Variants in FER1L6 observed in about 807,000 individuals in gnomAD.
FER1L6 encodes the protein fer-1-like protein 6.
FER1L6 carries 177 observed loss-of-function variants against 219.2 expected under a neutral mutation model. The ratio of observed to expected loss-of-function variants is 0.81; its 90% CI spans 0.71 to 0.91. FER1L6 has a LOEUF of 0.91. Among genes scored for constraint, FER1L6 ranks in the 40% least tolerant of loss-of-function variants. The pLI, the probability that FER1L6 is intolerant of heterozygous loss-of-function variation, is 0.00. For synonymous variants in FER1L6, 768 were observed against 824.3 expected, an observed-to-expected ratio of 0.93 and a Z score of 1.17; for missense variants, 2,153 against 2,259.9, an observed-to-expected ratio of 0.95 and a Z score of 0.96.
chr8:124,107,089 C>T (rs1048176857), intron 39 of FER1L6, among the ~76,000 whole-genome samples: 1 of 151,840 alleles, frequency 6.6e-6, no homozygotes, highest in African/African-American at 2.4e-5. Flanking sequence ...GCTGGGACTA[C>T]AGGCGCCCGC....
At chr8:123,929,769 A>G (rs1032858902) in intron 1 of FER1L6, among the ~76,000 whole-genome samples, 1 of 152,178 alleles carries the variant, frequency 6.6e-6, no homozygotes, top group Non-Finnish European at 1.5e-5. Flanking sequence ...AAGTGTGAGA[A>G]CTGGGGAGAG....
chr8:124,106,420 G>T (rs1302418691), intron 39 of FER1L6, among the ~76,000 whole-genome samples: 1 of 150,518 alleles, frequency 6.6e-6, no homozygotes, highest in Non-Finnish European at 1.5e-5. Context: ...AATGTTAGTG[G>T]AATGGCAAAG....
In FER1L6 at chr8:123,980,807, C is replaced by T. The variant is rs372652726; in HGVS notation, c.1406C>T (p.Pro469Leu). The change falls in exon 11 of 41, where the codon CCG becomes CTG. Residue 469 changes from proline to leucine, a missense_variant. Physicochemically the swap from Pro to Leu is moderately conservative, Grantham distance 98 (BLOSUM62 -3). Transcript: ENST00000522917. ...EVEVESFDVP[P>L]EIVPEKNEEF... ...GAGGTGGAATCGTTCGATGTCCCCC[C>T]GGAGGTAGGTCTAGGCACTGCATTA... 2.7e-5 allele frequency: 43 copies of T among 1,611,924 alleles called. No individual in the cohort carries two copies. Among genetic ancestry groups the T allele is most frequent in the African/African-American group, 2.3e-4 (17 of 74,862 alleles).
chr8:124,104,029 G>C (rs950586931), intron 39 of FER1L6, among the ~76,000 whole-genome samples: 1 of 152,208 alleles, frequency 6.6e-6, no homozygotes, highest in Non-Finnish European at 1.5e-5. Flanking sequence ...TTCTCTTTCT[G>C]TCTCTGCTCT....
chr8:123,950,324 C>A (rs556661382), intron 1 of FER1L6, among the ~76,000 whole-genome samples: 1 of 152,190 alleles, frequency 6.6e-6, no homozygotes, highest in African/African-American at 2.4e-5. Context: ...ATCCCCCAAC[C>A]CTTGGAGGAT....
intron 28 of FER1L6, among the ~76,000 whole-genome samples, chr8:124,068,981 G>A (rs1296785058): frequency 6.7e-6 from 1 of 150,042 alleles, no homozygotes; most frequent in East Asian, 1.9e-4. Context: ...CTGTCGCCCA[G>A]GCTGGAGTGC....
intron 37 of FER1L6, among the ~76,000 whole-genome samples, chr8:124,098,275 C>A (rs1306055134): frequency 6.6e-6 from 1 of 152,148 alleles, no homozygotes; most frequent in East Asian, 1.9e-4. Flanking sequence ...TTCCTGTTTG[C>A]TGGTGGTATT....
intron 37 of FER1L6, among the ~76,000 whole-genome samples, chr8:124,098,752 T>C (rs1225037169): frequency 2.6e-5 from 4 of 152,186 alleles, no homozygotes; most frequent in African/African-American, 9.7e-5. Context: ...GGAAGGATTC[T>C]GGGAGAGTTC....
At chr8:124,064,063 C>A (rs1026836746) in intron 25 of FER1L6, among the ~76,000 whole-genome samples, 1 of 152,050 alleles carries the variant, frequency 6.6e-6, no homozygotes, top group African/African-American at 2.4e-5. Flanking sequence ...TTTCATAATC[C>A]CAATGACCAC....
At chr8:123,862,479 T>C (rs1586426017) in intron 1 of FER1L6, among the ~76,000 whole-genome samples, 1 of 137,352 alleles carries the variant, frequency 7.3e-6, no homozygotes, top group East Asian at 2.0e-4. Flanking sequence ...GGTATCAGAA[T>C]GATGCTGGCC....
rs953240125 is a variant in FER1L6, at chr8:123,852,607, CAT to C, written c.-8+424_-8+425del. ...GCATGAGGAAGTTGCCTCAGGAACT[CAT>C]AGAAAATGTGGGGCCTCTCACAAGA... is the stretch of plus-strand genomic sequence containing the variant. On this transcript the variant is annotated intron_variant, in intron 1 of 40. Coordinates refer to ENST00000522917, the MANE Select transcript of FER1L6 (RefSeq NM_001039112.2). The surrounding 1 kb of genome is among the most constrained non-coding windows in gnomAD (Gnocchi z 4.9). Among the ~76,000 whole-genome samples, 5 of 151,924 alleles carry C rather than the reference CAT, an allele frequency of 3.3e-5. No homozygotes were observed. Among genetic ancestry groups the C allele is most frequent in the Non-Finnish European group, 7.4e-5 (5 of 67,990 alleles).
At chr8:124,070,738 TC>T (rs933697299) in intron 30 of FER1L6, 140 bp downstream of exon 30, 5 of 694,308 alleles carry the variant, frequency 7.2e-6, no homozygotes, top group Non-Finnish European at 1.1e-5. Flanking sequence ...TCTCTAGAAC[TC>T]CACAAAACCT....
chr8:124,101,289 G>A lies in FER1L6; in HGVS notation c.5076G>A (p.Leu1692=), dbSNP rs374196737. 1.9e-6 allele frequency: 3 copies of A among 1,613,492 alleles called. No individual in the cohort carries two copies. In the African/African-American group the frequency reaches 4.0e-5, roughly 22 times the overall value. ...EKMECKTPAV[L]VLQVWDFERL... ...TGGAGTGTAAGACTCCTGCTGTGTT[G>A]GTGCTGCAGGTTTGGGATTTTGAAA... is the stretch of plus-strand genomic sequence containing the variant. The change falls in exon 38 of 41, where the codon TTG becomes TTA. Residue 1692 remains leucine, a synonymous_variant. Transcript: ENST00000522917.
rs910388307 is a variant in FER1L6, at chr8:124,082,341, T to A, written c.4274T>A (p.Ile1425Asn). 4.3e-6 allele frequency: 7 copies of A among 1,613,884 alleles called. No individual in the cohort carries two copies. The highest frequency in any genetic ancestry group is 5.9e-6 in the Non-Finnish European group (7 of 1,179,934). ...AAAGAGTCCCTGCTCTCCATCCTGA[T>A]CTATGACCATGACATGATTGGCACA... is the stretch of plus-strand genomic sequence containing the variant. ...FPKESLLSIL[I>N]YDHDMIGTDD... Residue 1425 changes from isoleucine (I) to asparagine (N), a missense_variant, in exon 33 of 41, where the codon ATC (isoleucine) becomes AAC (asparagine). Physicochemically the swap from Ile to Asn is moderately radical, Grantham distance 149. Transcript: ENST00000522917.
chr8:123,958,457 C>T (rs920114055), intron 2 of FER1L6, among the ~76,000 whole-genome samples: 3 of 152,182 alleles, frequency 2.0e-5, no homozygotes, highest in African/African-American at 4.8e-5. Flanking sequence ...CCCCACCAGA[C>T]TTCCTTTCCT....
chr8:124,103,213 C>T lies in FER1L6; in HGVS notation c.5193C>T (p.Ala1731=). The T allele has an allele frequency of 6.2e-7, 1 of 1,614,098 alleles. No homozygotes were observed. Among genetic ancestry groups the T allele is most frequent in the Non-Finnish European group, 8.5e-7 (1 of 1,179,986 alleles). Residue 1731 remains alanine (A), a synonymous_variant, in exon 39 of 41, where the codon GCC becomes GCT. Transcript: ENST00000522917. ...AGTCTGCCAAAGCCTGTGATCTTGC[C>T]AAGTTTGAAAATGCAAGTGAGGAGA... ...AAKSAKACDL[A]KFENASEETK... is the part of the protein sequence containing the mutation.
At chr8:123,932,403 C>A (rs1356496471) in intron 1 of FER1L6, among the ~76,000 whole-genome samples, 1 of 152,212 alleles carries the variant, frequency 6.6e-6, no homozygotes, top group Non-Finnish European at 1.5e-5. Flanking sequence ...GCCACCGTGC[C>A]AGGCTCCGTA....
In FER1L6 at chr8:124,064,451, G is replaced by T; in HGVS notation, c.3433G>T (p.Val1145Leu). The stretch of plus-strand genomic sequence containing the variant: ...TGTGGATGTTGAGCCACCTCCCACA[G>T]TGGTGCCCGACTCTGCCCAGGCCCA... ...IYVDVEPPPTVVPDSAQAQPA... is the reference protein window; with the variant it reads ...IYVDVEPPPTLVPDSAQAQPA... Residue 1145 changes from valine to leucine, a missense_variant, in exon 26 of 41, where the codon GTG becomes TTG. Transcript: ENST00000522917. The T allele has an allele frequency of 6.2e-7, 1 of 1,613,996 alleles. No homozygotes were observed.
At chr8:124,086,152 TATCC>T (rs1431575409) in intron 33 of FER1L6, among the ~76,000 whole-genome samples, 1 of 75,508 alleles carries the variant, frequency 1.3e-5, no homozygotes, top group Non-Finnish European at 2.8e-5. Context: ...CTTGTGTTTT[TATCC>T]ATTCAGCCAC....
Sources: allele counts gnomAD v4.1 joint callset (sites outside exome capture counted in the v4.1 genomes callset), GRCh38; gene constraint gnomAD v4.1.1; non-coding constraint Gnocchi (gnomAD v3.1); transcripts MANE v1.5; gene names NCBI Gene and HGNC (gene_info 2026-07-23, HGNC 2026-07-21).